Variants in ROBO2 observed in about 807,000 individuals in gnomAD.
ROBO2 encodes roundabout guidance receptor 2, also known as roundabout homolog 2.
Under a neutral mutation model 160.8 loss-of-function variants are expected in ROBO2, and 53 were observed. That is an observed-to-expected ratio of 0.33 (90% CI 0.26 to 0.41). The LOEUF (loss-of-function observed/expected upper bound fraction) is 0.41, where lower values mean the gene tolerates loss of function less well. Ranked by LOEUF, ROBO2 falls within the 10% of genes least tolerant of loss-of-function variation. The pLI is 1.00. For missense variants in ROBO2, 1,577 were observed against 1,722.4 expected, an observed-to-expected ratio of 0.92 and a Z score of 1.49; for synonymous variants, 664 against 611.7, an observed-to-expected ratio of 1.09 and a Z score of -1.26.
intron 2 of ROBO2, among the ~76,000 whole-genome samples, chr3:77,217,779 T>C (rs898191763): frequency 8.5e-5 from 13 of 152,216 alleles, no homozygotes; most frequent in African/African-American, 2.9e-4. Flanking sequence ...CTATCTAGAT[T>C]AATTCTATTT....
At chr3:77,558,914 T>G (rs888370666) in intron 9 of ROBO2, among the ~76,000 whole-genome samples, 2 of 152,122 alleles carry the variant, frequency 1.3e-5, no homozygotes, top group Non-Finnish European at 2.9e-5. Flanking sequence ...TGTCTTTTGC[T>G]TCTGGGTCTT....
intron 2 of ROBO2, among the ~76,000 whole-genome samples, chr3:76,893,316 A>G (rs1433096822): frequency 6.6e-6 from 1 of 150,860 alleles, no homozygotes; most frequent in Non-Finnish European, 1.5e-5. Flanking sequence ...AAGTGAACAC[A>G]CACACACACA....
In ROBO2 at chr3:77,634,863, A is replaced by G; in HGVS notation, c.3761-7A>G. ...TCTAGAACCCATTCCCTTTATTTTC[A>G]TTTTAGGAAAAGCCTTTACCTCCTC... On this transcript the variant is annotated splice_region_variant and splice_polypyrimidine_tract_variant and intron_variant, in intron 23 of 25. Coordinates refer to ENST00000461745, the Ensembl canonical transcript of ROBO2. The G allele has an allele frequency of 6.2e-7, 1 of 1,613,904 alleles. No individual in the cohort carries two copies. The highest frequency in any genetic ancestry group is 2.2e-5 in the East Asian group (1 of 44,862).
chr3:77,574,715 C>T lies in ROBO2; in HGVS notation c.2188C>T (p.Arg730Cys), dbSNP rs751993663. 5.6e-6 allele frequency: 9 copies of T among 1,612,002 alleles called. No homozygotes were observed. Among genetic ancestry groups the T allele is most frequent in the Non-Finnish European group, 7.6e-6 (9 of 1,178,686 alleles). The change falls in exon 14 of 26, where the codon CGT becomes TGT. Residue 730 changes from arginine (R) to cysteine (C), a missense_variant. Around this residue, in one of 2 missense-constraint regions of ROBO2, gnomAD observed 940 missense variants for 1,135.5 expected, o/e 0.83. Coordinates refer to ENST00000461745, the Ensembl canonical transcript of ROBO2. ...AATGGATAGTGAATCTAAAACGGTT[C>T]GTACTACTGAAGAAGGTCAGTATTC...
intron 2 of ROBO2, among the ~76,000 whole-genome samples, chr3:76,058,106 C>G (rs1276108305): frequency 2.0e-5 from 3 of 149,698 alleles, no homozygotes; most frequent in African/African-American, 7.4e-5. Flanking sequence ...TTTTTTTTTT[C>G]CTTTTCTTAA....
intron 2 of ROBO2, among the ~76,000 whole-genome samples, chr3:77,142,673 C>T (rs2076800453): frequency 6.6e-6 from 1 of 152,194 alleles, no homozygotes; most frequent in Admixed American, 6.5e-5. Context: ...AGTTCCATCA[C>T]CACTCACACA....
intron 2 of ROBO2, among the ~76,000 whole-genome samples, chr3:77,166,794 C>A (rs2079132626): frequency 1.3e-5 from 2 of 152,114 alleles, no homozygotes; most frequent in Non-Finnish European, 2.9e-5. Flanking sequence ...CTCCTGACCT[C>A]GTGATCCGCC....
intron 1 of ROBO2, among the ~76,000 whole-genome samples, chr3:75,909,004 T>A (rs1443421651): frequency 6.6e-6 from 1 of 152,218 alleles, no homozygotes; most frequent in East Asian, 1.9e-4. Context: ...GTCTTTCAGA[T>A]TCCGTGGCAA....
chr3:75,991,584 G>C (rs998091243), intron 2 of ROBO2, among the ~76,000 whole-genome samples: 1 of 152,074 alleles, frequency 6.6e-6, no homozygotes, highest in Non-Finnish European at 1.5e-5. Context: ...CCAGTCTCAG[G>C]TATGTCTTTA....
chr3:77,498,666 G>A (rs1212887845), intron 5 of ROBO2, among the ~76,000 whole-genome samples: 2 of 150,246 alleles, frequency 1.3e-5, no homozygotes, highest in Non-Finnish European at 3.0e-5. Context: ...TCTTAGCCCT[G>A]CAAAATGTGT....
chr3:76,003,880 A>G (rs950307581), intron 2 of ROBO2, among the ~76,000 whole-genome samples: 3 of 152,214 alleles, frequency 2.0e-5, no homozygotes, highest in Non-Finnish European at 4.4e-5. Context: ...TAAAACTACA[A>G]TGAGATGCCC....
At chr3:76,656,538 A>C (rs2091531592) in intron 2 of ROBO2, among the ~76,000 whole-genome samples, 1 of 152,124 alleles carries the variant, frequency 6.6e-6, no homozygotes, top group African/African-American at 2.4e-5. Flanking sequence ...AAAATTGACA[A>C]GTAGAAGCAT....
intron 2 of ROBO2, among the ~76,000 whole-genome samples, chr3:77,224,159 T>A (rs2086182057): frequency 6.6e-6 from 1 of 152,034 alleles, no homozygotes; most frequent in African/African-American, 2.4e-5. Context: ...TGTCTATTAA[T>A]GTGTTTTTGA....
chr3:76,395,197 GA>G, intron 2 of ROBO2, among the ~76,000 whole-genome samples: 1 of 150,836 alleles, frequency 6.6e-6, no homozygotes. Flanking sequence ...CAACTACATG[GA>G]AACTGAACAA....
At chr3:76,509,729 C>A (rs2080984076) in intron 2 of ROBO2, among the ~76,000 whole-genome samples, 2 of 152,314 alleles carry the variant, frequency 1.3e-5, no homozygotes, top group South Asian at 2.1e-4. Flanking sequence ...AGGTAAACAT[C>A]TGCCATGAAT....
At chr3:77,003,467 C>G (rs2061428091) in intron 2 of ROBO2, among the ~76,000 whole-genome samples, 1 of 152,136 alleles carries the variant, frequency 6.6e-6, no homozygotes, top group Non-Finnish European at 1.5e-5. Context: ...CACCATTAGT[C>G]TTTGTTTTTT....
At chr3:76,116,342 A>T (rs1317443960) in intron 2 of ROBO2, among the ~76,000 whole-genome samples, 1 of 152,152 alleles carries the variant, frequency 6.6e-6, no homozygotes, top group Non-Finnish European at 1.5e-5. Context: ...TCTCCTATGG[A>T]TATCCTTAAC....
At chr3:76,679,691 G>T (rs2092506204) in intron 2 of ROBO2, among the ~76,000 whole-genome samples, 1 of 152,268 alleles carries the variant, frequency 6.6e-6, no homozygotes, top group East Asian at 1.9e-4. Context: ...TGGGGTAGGA[G>T]TCATTGAAAT....
intron 2 of ROBO2, among the ~76,000 whole-genome samples, chr3:76,117,587 T>A (rs879890477): frequency 2.0e-5 from 3 of 152,176 alleles, no homozygotes; most frequent in African/African-American, 7.2e-5. Flanking sequence ...CAGTTCTTAC[T>A]TCATGTGGAG....
Sources: allele counts gnomAD v4.1 joint callset (sites outside exome capture counted in the v4.1 genomes callset), GRCh38; gene constraint gnomAD v4.1.1; regional missense constraint gnomAD v4.1.1; transcripts MANE v1.5; gene names NCBI Gene and HGNC (gene_info 2026-07-23, HGNC 2026-07-21).